FANCD2: variants seen among roughly 807,000 people sequenced by gnomAD.
FANCD2 encodes Fanconi anemia group D2 protein.
A neutral mutation model predicts 192.3 loss-of-function variants in FANCD2; 131 were observed. The observed-to-expected ratio is 0.68, with a 90% CI of 0.59 to 0.79. FANCD2 has a LOEUF of 0.79. Among genes scored for constraint, FANCD2 ranks in the 30% least tolerant of loss-of-function variants. The pLI, the probability that FANCD2 is intolerant of heterozygous loss-of-function variation, is 0.00. For synonymous variants in FANCD2, 524 were observed against 612.5 expected, an observed-to-expected ratio of 0.86 and a Z score of 2.13; for missense variants, 1,508 against 1,701.6, an observed-to-expected ratio of 0.89 and a Z score of 2.00.
intron 7 of FANCD2, among the ~76,000 whole-genome samples, chr3:10,038,464 C>A (rs1167031807): frequency 6.6e-6 from 1 of 151,870 alleles, no homozygotes; most frequent in Non-Finnish European, 1.5e-5. Flanking sequence ...TGGAAACTAT[C>A]ATATTTGGAA....
chr3:10,088,530 A>G lies in FANCD2; in HGVS notation c.3548A>G (p.His1183Arg). 2 of 1,601,700 alleles carry G rather than the reference A, an allele frequency of 1.2e-6. No homozygotes were observed. The highest frequency in any genetic ancestry group is 8.6e-7 in the Non-Finnish European group (1 of 1,168,658). The change falls in exon 35 of 44, where the codon CAT becomes CGT. Residue 1183 changes from histidine (H) to arginine (R), a missense_variant. Physicochemically the swap from His to Arg is conservative, Grantham distance 29. Coordinates refer to ENST00000675286, the MANE Select transcript of FANCD2 (RefSeq NM_001018115.3). Reference protein sequence around the residue: ...EKSNISNDQLHALLCIYLEHT... With the variant: ...EKSNISNDQLRALLCIYLEHT... ...AGCAACATCTCTAATGACCAGCTCC[A>G]TGCTCTGCTCTGGTGAGATGTTTGG...
At chr3:10,041,257 G>A (rs1157476466) in intron 9 of FANCD2, 2 of 258,760 alleles carry the variant, frequency 7.7e-6, no homozygotes, top group Admixed American at 5.2e-5. Flanking sequence ...ACTATGTTGT[G>A]CTCCTGTAGC....
chr3:10,039,901 C>A (rs1274383262), intron 9 of FANCD2, 56 bp downstream of exon 9: 4 of 1,606,340 alleles, frequency 2.5e-6, no homozygotes, highest in Non-Finnish European at 3.4e-6. Flanking sequence ...GGTTCTATCA[C>A]TGCAGTATGC....
chr3:10,086,473 A>G (rs551298703), intron 33 of FANCD2, among the ~76,000 whole-genome samples: 3 of 151,982 alleles, frequency 2.0e-5, no homozygotes, highest in Admixed American at 1.3e-4. Context: ...ATCCCTGTCT[A>G]TAGGTCAGGA....
chr3:10,052,617 C>G (rs2087251979), intron 18 of FANCD2, 120 bp downstream of exon 18: 1 of 720,322 alleles, frequency 1.4e-6, no homozygotes, highest in Non-Finnish European at 2.5e-6. Context: ...CTCCTGGGTT[C>G]AAGCGATTCT....
At position 10,101,702 on chromosome 3, in the gene FANCD2, G is replaced by A. The variant is rs574930949; in HGVS notation, c.*440G>A. On this transcript the variant is annotated 3_prime_UTR_variant, in exon 44 of 44. Transcript: ENST00000675286. ...CCAGCCATATTTTGTTCTTAAAGTG[G>A]GGTCTTTATTAACTTGTGGACATCA... 4 of 268,728 alleles carry A rather than the reference G, an allele frequency of 1.5e-5. No individual in the cohort carries two copies. The highest frequency in any genetic ancestry group is 8.9e-5 in the African/African-American group (4 of 45,126). The allele number at this position is 268,728 out of a possible 1,614,324, so 16.6% of individuals were successfully genotyped here.
At position 10,051,380 on chromosome 3, in the gene FANCD2, C is replaced by CAAAAAA. The variant is rs35760922; in HGVS notation, c.1546-985_1546-980dup. ...TGGGCGACAGAGCGAGACTCCGTCT[C>CAAAAAA]AAAAAAAAAAAAAAAAAAAAAAAAA... On this transcript the variant is annotated intron_variant, in intron 17 of 43. Transcript: ENST00000675286. Among the ~76,000 whole-genome samples the CAAAAAA allele has an allele frequency of 4.6e-4, 4 of 8,716 alleles. 1 individual carries two copies. The highest frequency in any genetic ancestry group is 1.5e-3 in the African/African-American group (4 of 2,728). The allele number at this position is 8,716 out of a possible 152,430, so 5.7% of individuals were successfully genotyped here. A position where few individuals can be genotyped will look rare whatever the true frequency, so the allele number is the denominator to read the frequency against.
chr3:10,062,247 CTT>C (rs751474920), intron 20 of FANCD2, 36 bp downstream of exon 20: 4,229 of 1,315,298 alleles, frequency 3.2e-3, no homozygotes, highest in Middle Eastern at 3.7e-3. Context: ...TTTTTCCTGT[CTT>C]TTTTTTTTTT....
intron 13 of FANCD2, 71 bp downstream of exon 13, chr3:10,043,663 T>C (rs1475660701): frequency 7.3e-7 from 1 of 1,367,118 alleles, no homozygotes; most frequent in African/African-American, 1.4e-5. Context: ...ATAACTGAGG[T>C]AGACTGAAAT....
At chr3:10,088,405 T>C (rs756183300) in intron 34 of FANCD2, 44 bp from the exon 35 acceptor site, 1 of 1,166,432 alleles carries the variant, frequency 8.6e-7, no homozygotes, top group Middle Eastern at 1.9e-4. Flanking sequence ...AAGAATGAGG[T>C]CAAGTTCCCA....
chr3:10,064,855 C>T lies in FANCD2; in HGVS notation c.2148C>T (p.Thr716=), dbSNP rs55856815. 6.2e-7 allele frequency: 1 copy of T among 1,613,754 alleles called. No homozygotes were observed. The highest frequency in any genetic ancestry group is 8.5e-7 in the Non-Finnish European group (1 of 1,179,678). Reference sequence around the variant, plus strand: ...TTGCAAAAGATGGGGGTCCGGTGACCTCACAGGAATCAGGCCAAAAGTCAG... The same window carrying T: ...TTGCAAAAGATGGGGGTCCGGTGACTTCACAGGAATCAGGCCAAAAGTCAG... ...QDFAKDGGPV[T]SQESGQKLVS... is the part of the protein sequence containing the mutation. The change falls in exon 23 of 44, where the codon ACC becomes ACT. Residue 716 remains threonine, a synonymous_variant. Transcript: ENST00000675286.
At chr3:10,062,339 C>T (rs1441050355) in intron 20 of FANCD2, 128 bp downstream of exon 20, 1 of 718,298 alleles carries the variant, frequency 1.4e-6, no homozygotes, top group Non-Finnish European at 2.4e-6. Context: ...CTCTCAGGTT[C>T]AAGTGATTCT....
chr3:10,062,940 A>T (rs909338414), intron 20 of FANCD2, among the ~76,000 whole-genome samples: 3 of 152,082 alleles, frequency 2.0e-5, no homozygotes, highest in African/African-American at 7.2e-5. Context: ...ATCTCAGGTG[A>T]TCTGCCCCCA....
intron 16 of FANCD2, among the ~76,000 whole-genome samples, chr3:10,048,704 A>G (rs1207849309): frequency 6.6e-6 from 1 of 152,240 alleles, no homozygotes; most frequent in Non-Finnish European, 1.5e-5. Flanking sequence ...TTGTATTTTT[A>G]CATATATTCT....
chr3:10,060,909 A>G (rs896948953), intron 19 of FANCD2, among the ~76,000 whole-genome samples: 19 of 152,298 alleles, frequency 1.2e-4, no homozygotes, highest in African/African-American at 4.6e-4. Context: ...ATTGGATTTC[A>G]GTTCATGCTC....
At chr3:10,034,837 C>A in intron 5 of FANCD2, 39 bp downstream of exon 5, 1 of 1,449,142 alleles carries the variant, frequency 6.9e-7, no homozygotes, top group Non-Finnish European at 9.5e-7. Flanking sequence ...GAAATTCAGT[C>A]TGTTTTGCCA....
Position 10,043,829 on chromosome 3 carries a change from G to A in FANCD2, c.1099G>A (p.Ala367Thr). The A allele has an allele frequency of 1.2e-6, 2 of 1,613,360 alleles. No homozygotes were observed. Among genetic ancestry groups the A allele is most frequent in the Non-Finnish European group, 8.5e-7 (1 of 1,179,370 alleles). Reference sequence around the variant, plus strand: ...TTGTGACTCTCTCCTGTTTTTTCAGGCAATTGAAAACACTGCCTCAGTATC... The same window carrying A: ...TTGTGACTCTCTCCTGTTTTTTCAGACAATTGAAAACACTGCCTCAGTATC... ...EKTISEAWIK[A>T]IENTASVSEH... The change falls in exon 14 of 44, where the codon GCA (alanine) becomes ACA (threonine). Residue 367 changes from alanine to threonine, a missense_variant and splice_region_variant. Ala to Thr is a moderately conservative substitution (Grantham distance 58, BLOSUM62 0). Transcript: ENST00000675286.
intron 18 of FANCD2, among the ~76,000 whole-genome samples, chr3:10,054,570 G>A (rs573561625): frequency 2.8e-4 from 35 of 125,114 alleles, no homozygotes; most frequent in African/African-American, 8.9e-4. Flanking sequence ...TGCAAACTCC[G>A]CCTCCCAGGT....
Position 10,065,268 on chromosome 3 carries a change from G to A in FANCD2, c.2169-126G>A, listed in dbSNP as rs36052469. ...CGTGCCACTGCACTCCAGACTGGGC[G>A]ACAGAGCAAGACTCTGTCTCAAAAA... On this transcript the variant is annotated intron_variant, in intron 23 of 43. Coordinates refer to ENST00000675286, the MANE Select transcript of FANCD2 (RefSeq NM_001018115.3). The A allele has an allele frequency of 5.4e-4, 399 of 739,134 alleles. 2 individuals carry two copies. The African/African-American group carries it at 6.0e-3, about 11-fold the overall frequency. 45.8% of individuals were successfully genotyped at this position (739,134 alleles called of 1,614,324 possible).
Sources: gnomAD v4.1 joint callset for allele counts (sites outside exome capture counted in the v4.1 genomes callset) on GRCh38, gnomAD v4.1.1 for gene constraint, MANE v1.5 for transcripts, NCBI Gene and HGNC (gene_info 2026-07-23, HGNC 2026-07-21) for gene names.